The following FRMD4A variants were observed in gnomAD, a reference collection of about 807,000 sequenced individuals.
FRMD4A encodes the protein FERM domain-containing protein 4A.
In FRMD4A, 29 loss-of-function variants were observed where a neutral mutation model predicts 129.1. The observed-to-expected ratio is 0.22, with a 90% CI of 0.17 to 0.31. FRMD4A has a LOEUF of 0.31. FRMD4A is among the 10% of genes least tolerant of loss of function. The probability of loss-of-function intolerance (pLI) is 1.00; values close to 1 mark genes in which losing one functional copy is unlikely to be tolerated. For missense variants in FRMD4A, 1,272 were observed against 1,375.8 expected (o/e 0.92, Z 1.19); for synonymous variants, 634 against 571.6 (o/e 1.11, Z -1.56).
chr10:14,211,940 G>T (rs12571371), intron 2 of FRMD4A, among the ~76,000 whole-genome samples: 51,132 of 151,978 alleles, frequency 0.34, 8,694 homozygotes, highest in Admixed American at 0.36. Flanking sequence ...TGGGGAAGTG[G>T]CTGCCTGGTG....
At chr10:14,270,931 A>T (rs1229979423) in intron 2 of FRMD4A, among the ~76,000 whole-genome samples, 2 of 152,174 alleles carry the variant, frequency 1.3e-5, no homozygotes, top group African/African-American at 2.4e-5. Flanking sequence ...GGTAATTTAT[A>T]AAAAAAGAGA....
chr10:13,952,144 C>G (rs1392975057), intron 2 of FRMD4A, among the ~76,000 whole-genome samples: 1 of 119,176 alleles, frequency 8.4e-6, no homozygotes, highest in Non-Finnish European at 1.6e-5. Context: ...TCTTTTTATA[C>G]TCTTTTTTCT....
chr10:13,898,312 G>C (rs910742320), intron 2 of FRMD4A, among the ~76,000 whole-genome samples: 3 of 152,132 alleles, frequency 2.0e-5, no homozygotes, highest in African/African-American at 7.2e-5. Flanking sequence ...GTTGCAGTGA[G>C]CTGAGATTGT....
At chr10:14,279,909 C>T (rs1845463548) in intron 2 of FRMD4A, among the ~76,000 whole-genome samples, 1 of 152,214 alleles carries the variant, frequency 6.6e-6, no homozygotes, top group Admixed American at 6.5e-5. Context: ...GCTGTCTTCG[C>T]AGGTCCCACG....
intron 12 of FRMD4A, among the ~76,000 whole-genome samples, chr10:13,708,681 C>T (rs186743423): frequency 8.5e-5 from 13 of 152,338 alleles, no homozygotes; most frequent in Non-Finnish European, 1.6e-4. Flanking sequence ...GATTCAACAG[C>T]GCCTTAGCGG....
chr10:13,656,811 G>C lies in FRMD4A; in HGVS notation c.2778C>G (p.Asp926Glu). 14 of 1,579,878 alleles carry C rather than the reference G, an allele frequency of 8.9e-6. No individual in the cohort carries two copies. The highest frequency in any genetic ancestry group is 1.0e-5 in the Non-Finnish European group (12 of 1,165,696). The change falls in exon 22 of 25, where the codon GAC becomes GAG. Residue 926 changes from aspartate (D) to glutamate (E), a missense_variant. Asp to Glu is a conservative substitution (Grantham distance 45, BLOSUM62 2). Coordinates refer to ENST00000357447, the MANE Select transcript of FRMD4A (RefSeq NM_018027.5). ...AACGCTGGTACCACTGGCGCAGCTC[G>C]TCTGAGACGGCGGCACGGCCCGCGC... ...DKGAGRAAVSDELRQWYQRST... is the reference protein window; with the variant it reads ...DKGAGRAAVSEELRQWYQRST...
At chr10:14,075,774 G>GCA (rs375082567) in intron 2 of FRMD4A, among the ~76,000 whole-genome samples, 40 of 151,334 alleles carry the variant, frequency 2.6e-4, no homozygotes, top group Admixed American at 1.3e-3. Context: ...ATATGTATAT[G>GCA]CACACACACA....
At chr10:14,216,618 T>G (rs1018836787) in intron 2 of FRMD4A, among the ~76,000 whole-genome samples, 3 of 152,204 alleles carry the variant, frequency 2.0e-5, no homozygotes, top group African/African-American at 7.2e-5. Context: ...CAAAAGAGGA[T>G]GCAAATTGCC....
chr10:13,998,035 G>A (rs1053440187), intron 2 of FRMD4A, among the ~76,000 whole-genome samples: 14 of 152,086 alleles, frequency 9.2e-5, no homozygotes, highest in African/African-American at 2.9e-4. Flanking sequence ...ATGCCCTTCT[G>A]GGATCCTCTT....
At chr10:14,149,108 T>C (rs1840221702) in intron 2 of FRMD4A, among the ~76,000 whole-genome samples, 1 of 152,202 alleles carries the variant, frequency 6.6e-6, no homozygotes, top group Admixed American at 6.5e-5. Flanking sequence ...TTCTTAAAAC[T>C]TTCTGGGCTG....
intron 6 of FRMD4A, among the ~76,000 whole-genome samples, chr10:13,769,885 C>T (rs2092405595): frequency 6.6e-6 from 1 of 152,192 alleles, no homozygotes; most frequent in Admixed American, 6.5e-5. Context: ...CACTGGCTCC[C>T]TGGTTCTCAG....
At chr10:14,058,940 G>GAA (rs35015590) in intron 2 of FRMD4A, among the ~76,000 whole-genome samples, 5 of 151,934 alleles carry the variant, frequency 3.3e-5, no homozygotes, top group East Asian at 3.9e-4. Context: ...ATGATCAAGG[G>GAA]AAAAATGCCC....
At chr10:13,866,306 A>G in intron 2 of FRMD4A, 2 of 978,594 alleles carry the variant, frequency 2.0e-6, no homozygotes, top group East Asian at 1.1e-4. Context: ...AAACCACAGG[A>G]CACCCTGAGG....
chr10:13,783,414 G>T (rs1268304800), intron 5 of FRMD4A, among the ~76,000 whole-genome samples: 1 of 151,524 alleles, frequency 6.6e-6, no homozygotes, highest in African/African-American at 2.4e-5. Context: ...TTTTAGACAG[G>T]GTCTCGCTCT....
At chr10:14,083,301 T>C (rs559148530) in intron 2 of FRMD4A, 1 of 152,346 alleles carries the variant, frequency 6.6e-6, no homozygotes, top group East Asian at 1.9e-4. Context: ...ATTCTAGAGA[T>C]TGAAAACATC....
At chr10:14,024,035 C>T (rs1832878429) in intron 2 of FRMD4A, among the ~76,000 whole-genome samples, 1 of 152,196 alleles carries the variant, frequency 6.6e-6, no homozygotes, top group Non-Finnish European at 1.5e-5. Flanking sequence ...CAGGGAATAG[C>T]TACTGAAGCT....
At chr10:14,029,217 C>T (rs796949343) in intron 2 of FRMD4A, among the ~76,000 whole-genome samples, 8 of 151,320 alleles carry the variant, frequency 5.3e-5, no homozygotes, top group African/African-American at 1.7e-4. Flanking sequence ...GCGGGCTTAA[C>T]GTTTTAGTGG....
chr10:13,666,518 T>C (rs1482518447), intron 17 of FRMD4A, among the ~76,000 whole-genome samples, 193 bp from the exon 18 acceptor site: 2 of 152,172 alleles, frequency 1.3e-5, no homozygotes, highest in African/African-American at 2.4e-5. Flanking sequence ...TGTTACTTTC[T>C]GAAGACAAGT....
At chr10:14,291,540 G>A (rs927063053) in intron 2 of FRMD4A, among the ~76,000 whole-genome samples, 1 of 151,980 alleles carries the variant, frequency 6.6e-6, no homozygotes, top group Admixed American at 6.5e-5. Flanking sequence ...CAGCTTAAAG[G>A]ATAAATACCA....
Sources: gnomAD v4.1 joint callset for allele counts (sites outside exome capture counted in the v4.1 genomes callset) on GRCh38, gnomAD v4.1.1 for gene constraint, MANE v1.5 for transcripts, NCBI Gene and HGNC (gene_info 2026-07-23, HGNC 2026-07-21) for gene names.